The following DGKB variants were observed in gnomAD, a reference collection of about 807,000 sequenced individuals.
The protein encoded by DGKB is diacylglycerol kinase beta.
A neutral mutation model predicts 114.3 loss-of-function variants in DGKB; 67 were observed. The ratio of observed to expected loss-of-function variants is 0.59; its 90% CI spans 0.48 to 0.72. The LOEUF (loss-of-function observed/expected upper bound fraction) is 0.72, where lower values mean the gene tolerates loss of function less well. Among genes scored for constraint, DGKB ranks in the 30% least tolerant of loss-of-function variants. The pLI is 0.00. For missense variants in DGKB, 907 were observed against 975.2 expected, an observed-to-expected ratio of 0.93 and a Z score of 0.93; for synonymous variants, 398 against 323.1, an observed-to-expected ratio of 1.23 and a Z score of -2.49.
chr7:14,646,529 G>A (rs1176939214), intron 13 of DGKB, among the ~76,000 whole-genome samples: 10 of 152,116 alleles, frequency 6.6e-5, no homozygotes, highest in Admixed American at 5.2e-4. Flanking sequence ...TCCAATAGCT[G>A]CAGAACACAC....
intron 21 of DGKB, among the ~76,000 whole-genome samples, chr7:14,365,646 A>G (rs1816546829): frequency 6.6e-6 from 1 of 152,104 alleles, no homozygotes; most frequent in Non-Finnish European, 1.5e-5. Context: ...TGATATCTCT[A>G]TTAACTCTTG....
chr7:14,621,803 T>C (rs541672415), intron 14 of DGKB, among the ~76,000 whole-genome samples: 3 of 152,270 alleles, frequency 2.0e-5, no homozygotes, highest in Non-Finnish European at 4.4e-5. Context: ...TTTTCATATG[T>C]AATGATACAG....
At chr7:14,959,572 C>T (rs1786721418) in intron 1 of DGKB, among the ~76,000 whole-genome samples, 1 of 151,812 alleles carries the variant, frequency 6.6e-6, no homozygotes, top group Admixed American at 6.6e-5. Context: ...TGTTTGTCAC[C>T]AAATTACATA....
intron 23 of DGKB, among the ~76,000 whole-genome samples, chr7:14,306,851 G>C (rs1804568674): frequency 6.6e-6 from 1 of 152,038 alleles, no homozygotes; most frequent in Non-Finnish European, 1.5e-5. Flanking sequence ...CGATGCTTTT[G>C]GCTCTTCAAA....
chr7:14,910,304 AAGAAAG>A (rs1343832078), intron 1 of DGKB, among the ~76,000 whole-genome samples: 1 of 132,440 alleles, frequency 7.6e-6, no homozygotes, highest in African/African-American at 2.9e-5. Flanking sequence ...GAAAGAAAGA[AAGAAAG>A]AAAGAACCTT....
chr7:14,621,091 T>C, intron 15 of DGKB: 1 of 271,832 alleles, frequency 3.7e-6, no homozygotes, highest in Non-Finnish European at 6.9e-6. Context: ...CATATGTATT[T>C]AATAAGTGTG....
intron 20 of DGKB, among the ~76,000 whole-genome samples, chr7:14,560,230 G>C (rs931080877): frequency 1.3e-5 from 2 of 151,842 alleles, no homozygotes; most frequent in Non-Finnish European, 2.9e-5. Context: ...CTTAACATGA[G>C]ATCTACCTTC....
intron 23 of DGKB, among the ~76,000 whole-genome samples, chr7:14,267,153 C>T (rs367693275): frequency 2.1e-4 from 32 of 152,298 alleles, no homozygotes; most frequent in Non-Finnish European, 3.8e-4. Context: ...TCTATGACTG[C>T]TTTGACCAAA....
intron 21 of DGKB, among the ~76,000 whole-genome samples, chr7:14,422,063 A>C (rs1005311007): frequency 6.6e-6 from 1 of 152,056 alleles, no homozygotes; most frequent in Non-Finnish European, 1.5e-5. Flanking sequence ...TGATATGTTT[A>C]CCTATTTTTA....
At chr7:14,917,282 C>T (rs1784290884) in intron 1 of DGKB, among the ~76,000 whole-genome samples, 1 of 151,620 alleles carries the variant, frequency 6.6e-6, no homozygotes, top group African/African-American at 2.4e-5. Flanking sequence ...GAAGTTAGAG[C>T]AGAGATAAAC....
At chr7:14,505,317 T>A (rs1269094901) in intron 20 of DGKB, among the ~76,000 whole-genome samples, 1 of 151,864 alleles carries the variant, frequency 6.6e-6, no homozygotes, top group Non-Finnish European at 1.5e-5. Flanking sequence ...TAGCTGGGCG[T>A]GTTGGCACAC....
chr7:14,471,502 C>G (rs1781388053), intron 21 of DGKB, among the ~76,000 whole-genome samples: 1 of 149,352 alleles, frequency 6.7e-6, no homozygotes, highest in Non-Finnish European at 1.5e-5. Flanking sequence ...ATACTGCTGA[C>G]ATATAAATTG....
At chr7:14,373,121 A>C (rs1817944124) in intron 21 of DGKB, among the ~76,000 whole-genome samples, 1 of 152,204 alleles carries the variant, frequency 6.6e-6, no homozygotes, top group Non-Finnish European at 1.5e-5. Context: ...ACAAAATTCG[A>C]GTTAACGGCC....
At chr7:14,920,908 A>C (rs1784483271) in intron 1 of DGKB, among the ~76,000 whole-genome samples, 1 of 152,038 alleles carries the variant, frequency 6.6e-6, no homozygotes. Flanking sequence ...ATACTAAATT[A>C]CATTTTCTTT....
rs146643606 is a variant in DGKB, at chr7:14,459,745, A to G, written c.1835+18416T>C. On this transcript the variant is annotated intron_variant, in intron 21 of 25. Coordinates refer to ENST00000402815, the MANE Select transcript of DGKB (RefSeq NM_001350709.2). ...ACATTCAAATTCAGGAAATACGGAGAACACCACAAAGATACTCGTTGAGAA... is the reference window on the plus strand; with the variant it reads ...ACATTCAAATTCAGGAAATACGGAGGACACCACAAAGATACTCGTTGAGAA... Among the ~76,000 whole-genome samples, 475 of 152,294 alleles carry G rather than the reference A, an allele frequency of 3.1e-3. 3 individuals are homozygous for G. The highest frequency in any genetic ancestry group is 0.01 in the African/African-American group (436 of 41,544).
At chr7:14,817,137 G>C (rs909073972) in intron 2 of DGKB, among the ~76,000 whole-genome samples, 2 of 152,108 alleles carry the variant, frequency 1.3e-5, no homozygotes, top group African/African-American at 4.8e-5. Context: ...ATTTTGATTA[G>C]AAGATCATCT....
chr7:14,497,743 CAATGCTAGATAATTTGTGCAATACTGCA>C (rs1318999880), intron 20 of DGKB, among the ~76,000 whole-genome samples: 1 of 151,854 alleles, frequency 6.6e-6, no homozygotes, highest in Non-Finnish European at 1.5e-5. Flanking sequence ...TGACATTCAG[CAATGCTAGATAATTTGTGCAATACTGCA>C]AAACCAATAG....
intron 1 of DGKB, among the ~76,000 whole-genome samples, chr7:14,900,019 G>C (rs1587315700): frequency 6.6e-6 from 1 of 152,100 alleles, no homozygotes; most frequent in African/African-American, 2.4e-5. Flanking sequence ...TCTCCCTCCT[G>C]TGAGGGGCAT....
chr7:14,255,872 C>G (rs919183061), intron 23 of DGKB, among the ~76,000 whole-genome samples: 1 of 152,182 alleles, frequency 6.6e-6, no homozygotes, highest in African/African-American at 2.4e-5. Flanking sequence ...TGCTCCAACC[C>G]CAACAAACCT....
Sources: gnomAD v4.1 joint callset for allele counts (sites outside exome capture counted in the v4.1 genomes callset) on GRCh38, gnomAD v4.1.1 for gene constraint, MANE v1.5 for transcripts, NCBI Gene and HGNC (gene_info 2026-07-23, HGNC 2026-07-21) for gene names.